Variants in DACH2 observed in about 807,000 individuals in gnomAD.
DACH2 encodes dachshund homolog 2.
In DACH2, 17 loss-of-function variants were observed where a neutral mutation model predicts 35.8. The ratio of observed to expected loss-of-function variants is 0.48; its 90% confidence interval spans 0.33 to 0.71. The LOEUF (loss-of-function observed/expected upper bound fraction) is 0.71. Among genes scored for constraint, DACH2 ranks in the 30% least tolerant of loss-of-function variants. DACH2 has a pLI of 0.02. For synonymous variants in DACH2, 195 were observed against 177.3 expected (o/e 1.10, Z -0.79); for missense variants, 469 against 472.7 (o/e 0.99, Z 0.07).
intron 2 of DACH2, among the ~76,000 whole-genome samples, chrX:86,490,108 C>T (rs1487089875): frequency 8.9e-6 from 1 of 111,851 alleles, no homozygotes; most frequent in Non-Finnish European, 1.9e-5. Context: ...CTTTTTTATT[C>T]ACTCTTTAAT....
intron 1 of DACH2, among the ~76,000 whole-genome samples, chrX:86,291,286 C>T (rs1245823423): frequency 9.9e-6 from 1 of 100,534 alleles, no homozygotes; most frequent in Admixed American, 1.1e-4. Context: ...TATCCTGAGA[C>T]TTTGCTGAAG....
At chrX:86,518,944 AGTTCAGAAAGGGCATCCTTATCTT>A (rs2038512430) in intron 3 of DACH2, among the ~76,000 whole-genome samples, 3 of 112,001 alleles carry the variant, frequency 2.7e-5, no homozygotes, top group Admixed American at 9.5e-5. Context: ...TGAATAGAAA[AGTTCAGAAAGGGCATCCTTATCTT>A]GTTACCGTTT....
rs368843995 is a variant in DACH2 at position 86,778,912 on chromosome X, T to A, written c.1241-33944T>A. Among the ~76,000 whole-genome samples the A allele has an allele frequency of 2.7e-5, 3 of 111,804 alleles. No individual in the cohort carries two copies. The South Asian group carries it at 1.1e-3, about 42-fold the overall frequency. On this transcript the variant is annotated intron_variant, in intron 7 of 11. Transcript: ENST00000373125. ...TGAGCCACCATGCCTCGCCAATATT[T>A]TCATTTTTATTTCAACCATTTCACA...
intron 3 of DACH2, among the ~76,000 whole-genome samples, chrX:86,534,334 A>G (rs953904455): frequency 4.5e-5 from 5 of 112,194 alleles, no homozygotes; most frequent in Non-Finnish European, 9.4e-5. Context: ...AGGTTGTATG[A>G]ACTATTTCTG....
chrX:86,306,206 A>G (rs904336364), intron 1 of DACH2, among the ~76,000 whole-genome samples: 55 of 112,343 alleles, frequency 4.9e-4, no homozygotes, highest in African/African-American at 1.7e-3. Context: ...AATGTCCATC[A>G]AAAGATGAAT....
chrX:86,227,038 C>T (rs1445177895), intron 1 of DACH2, among the ~76,000 whole-genome samples: 1 of 111,243 alleles, frequency 9.0e-6, no homozygotes, highest in Non-Finnish European at 1.9e-5. Context: ...CCTACCCACT[C>T]TTTCAAGATT....
Position 86,274,920 on chromosome X carries a change from G to C in DACH2, c.489-101904G>C, listed in dbSNP as rs2033890389. ...AGTAAATGACAACAAAAAAGATCACGATAAAGTCATCTTCAATGAATACAA... is the reference window on the plus strand; with the variant it reads ...AGTAAATGACAACAAAAAAGATCACCATAAAGTCATCTTCAATGAATACAA... On this transcript the variant is annotated intron_variant, in intron 1 of 11. Coordinates refer to ENST00000373125, the MANE Select transcript of DACH2 (RefSeq NM_053281.3). Among the ~76,000 whole-genome samples the C allele has an allele frequency of 2.7e-5, 3 of 111,793 alleles. No individual in the cohort carries two copies. In the South Asian group the frequency reaches 1.1e-3, roughly 42 times the overall value.
chrX:86,364,315 A>C (rs1430591295), intron 1 of DACH2, among the ~76,000 whole-genome samples: 1 of 111,424 alleles, frequency 9.0e-6, no homozygotes, highest in African/African-American at 3.3e-5. Flanking sequence ...AAGGGAAGGC[A>C]TTCACAGATA....
chrX:86,213,275 A>G (rs183314604), intron 1 of DACH2, among the ~76,000 whole-genome samples: 1 of 111,720 alleles, frequency 9.0e-6, no homozygotes, highest in East Asian at 2.8e-4. Flanking sequence ...TAATGAACGT[A>G]TCAGAATTTA....
chrX:86,654,489 G>T (rs1169427419), intron 4 of DACH2, among the ~76,000 whole-genome samples: 1 of 110,725 alleles, frequency 9.0e-6, no homozygotes, highest in Non-Finnish European at 1.9e-5. Flanking sequence ...AATATAAGAT[G>T]AGAATTGCTC....
At chrX:86,288,023 A>G (rs2034188616) in intron 1 of DACH2, among the ~76,000 whole-genome samples, 1 of 111,541 alleles carries the variant, frequency 9.0e-6, no homozygotes, top group Admixed American at 9.5e-5. Context: ...GTTTGTACCT[A>G]TCCTTCTTGT....
At chrX:86,344,323 C>CATATATATATAT (rs761609271) in intron 1 of DACH2, among the ~76,000 whole-genome samples, 27 of 90,223 alleles carry the variant, frequency 3.0e-4, no homozygotes, top group Admixed American at 1.6e-3. Context: ...CTTGGAAGTG[C>CATATATATATAT]ATATATATAT....
intron 1 of DACH2, among the ~76,000 whole-genome samples, chrX:86,298,748 A>G (rs755911756): frequency 3.8e-4 from 43 of 112,301 alleles, no homozygotes; most frequent in African/African-American, 1.4e-3. Flanking sequence ...ATTTTTACAA[A>G]AAAGGTTTCA....
chrX:86,586,377 G>A (rs929799918), intron 3 of DACH2, among the ~76,000 whole-genome samples: 1 of 111,382 alleles, frequency 9.0e-6, no homozygotes, highest in South Asian at 3.7e-4. Context: ...TGTTTACTCC[G>A]TTGGTAGTTT....
At chrX:86,654,572 C>A (rs745626859) in intron 4 of DACH2, among the ~76,000 whole-genome samples, 14 of 111,080 alleles carry the variant, frequency 1.3e-4, no homozygotes, top group Non-Finnish European at 2.6e-4. Context: ...ATGGAAAATT[C>A]ATATTTTACT....
rs373037905 is a variant in DACH2 at position 86,514,440 on chromosome X, C to A, written c.640+49C>A. ...AGCCATGTCTCTTCGTACTGCCCAG[C>A]ATTTGAAATAAACCAATATTGATCT... On this transcript the variant is annotated intron_variant, in intron 3 of 11. Coordinates refer to ENST00000373125, the MANE Select transcript of DACH2 (RefSeq NM_053281.3). 158 of 1,071,422 alleles carry A rather than the reference C, an allele frequency of 1.5e-4. No individual in the cohort carries two copies. In the African/African-American group the frequency reaches 2.2e-3, roughly 15 times the overall value. 88.3% of individuals were successfully genotyped at this position (1,071,422 alleles called of 1,213,427 possible). A position where few individuals can be genotyped will look rare whatever the true frequency, so the allele number is the denominator to read the frequency against.
chrX:86,698,521 G>GTGTTTTTTTTTTTTTTT (rs2041096546), intron 5 of DACH2, among the ~76,000 whole-genome samples: 5 of 32,957 alleles, frequency 1.5e-4, no homozygotes, highest in African/African-American at 7.3e-4. Context: ...TTAGTTTTGT[G>GTGTTTTTTTTTTTTTTT]TTTTTTTTTT....
At position 86,372,242 on chromosome X, in the gene DACH2, C is replaced by T. The variant is rs73520085; in HGVS notation, c.489-4582C>T. Among the ~76,000 whole-genome samples the T allele has an allele frequency of 6.9e-3, 766 of 111,189 alleles. 5 individuals carry two copies. The highest frequency in any genetic ancestry group is 0.024 in the African/African-American group (737 of 30,732). ...GGATGTCAACTTCAAAGGTCAAAGA[C>T]TTGTCTTTCTTCATTAATAAAAGTA... On this transcript the variant is annotated intron_variant, in intron 1 of 11. Coordinates refer to ENST00000373125, the MANE Select transcript of DACH2 (RefSeq NM_053281.3).
At chrX:86,475,598 T>G (rs922950389) in intron 2 of DACH2, among the ~76,000 whole-genome samples, 1 of 112,092 alleles carries the variant, frequency 8.9e-6, no homozygotes, top group Non-Finnish European at 1.9e-5. Context: ...CTCTTTAGGT[T>G]TTTCCAAATA....
Sources: gnomAD v4.1 joint callset for allele counts (sites outside exome capture counted in the v4.1 genomes callset) on GRCh38, gnomAD v4.1.1 for gene constraint, MANE v1.5 for transcripts, NCBI Gene and HGNC (gene_info 2026-07-23, HGNC 2026-07-21) for gene names.